DTHD1: variants seen among roughly 807,000 people sequenced by gnomAD.
DTHD1 encodes death domain-containing protein 1.
In DTHD1, 59 loss-of-function variants were observed where a neutral mutation model predicts 74.8. The observed-to-expected ratio is 0.79, with a 90% CI of 0.64 to 0.98. The LOEUF is 0.98. DTHD1 is among the 50% of genes least tolerant of loss of function. The pLI is 0.00. For missense variants in DTHD1, 1,051 were observed against 1,065.4 expected (o/e 0.99, Z 0.19); for synonymous variants, 365 against 371.1 (o/e 0.98, Z 0.19).
intron 9 of DTHD1, among the ~76,000 whole-genome samples, chr4:36,340,802 T>C (rs527261906): frequency 6.6e-6 from 1 of 152,166 alleles, no homozygotes; most frequent in East Asian, 1.9e-4. Context: ...AGTTGATGCA[T>C]TCATTGAGGG....
At chr4:36,321,476 T>C (rs948309624) in intron 8 of DTHD1, among the ~76,000 whole-genome samples, 6 of 152,230 alleles carry the variant, frequency 3.9e-5, no homozygotes, top group African/African-American at 1.4e-4. Context: ...TACAAGAATC[T>C]AATGCCTGAT....
chr4:36,332,377 C>T (rs925107687), intron 8 of DTHD1, among the ~76,000 whole-genome samples: 1 of 152,056 alleles, frequency 6.6e-6, no homozygotes, highest in African/African-American at 2.4e-5. Flanking sequence ...CTAACTTTCA[C>T]CTTAGGTTTT....
At chr4:36,313,609 A>G (rs1198474850) in intron 7 of DTHD1, among the ~76,000 whole-genome samples, 1 of 152,194 alleles carries the variant, frequency 6.6e-6, no homozygotes, top group African/African-American at 2.4e-5. Context: ...CTGCTAGTAA[A>G]TCTTCAATAA....
intron 8 of DTHD1, among the ~76,000 whole-genome samples, chr4:36,321,361 G>A (rs1758028112): frequency 2.6e-5 from 4 of 152,166 alleles, no homozygotes; most frequent in Admixed American, 2.6e-4. Flanking sequence ...TTGCATTACT[G>A]CCTGAGCTCT....
intron 8 of DTHD1, among the ~76,000 whole-genome samples, chr4:36,327,521 T>C (rs7677004): frequency 0.71 from 108,325 of 152,132 alleles, 39,488 homozygotes; most frequent in African/African-American, 0.86. Context: ...GGGTCAAGGA[T>C]ATCTGCTCTT....
intron 1 of DTHD1, 63 bp from the exon 2 acceptor site, chr4:36,283,913 G>A: frequency 8.7e-7 from 1 of 1,146,490 alleles, no homozygotes; most frequent in Non-Finnish European, 1.2e-6. Flanking sequence ...AGATGTCAGT[G>A]CAGAAACATA....
At chr4:36,327,868 C>G (rs1346114506) in intron 8 of DTHD1, among the ~76,000 whole-genome samples, 1 of 152,176 alleles carries the variant, frequency 6.6e-6, no homozygotes, top group African/African-American at 2.4e-5. Flanking sequence ...TCTGTCTCCA[C>G]TCCTTAGATT....
intron 7 of DTHD1, among the ~76,000 whole-genome samples, chr4:36,313,811 C>T (rs1757538188): frequency 6.6e-6 from 1 of 152,160 alleles, no homozygotes; most frequent in Non-Finnish European, 1.5e-5. Flanking sequence ...TAATGTCTTT[C>T]AAGGGATAGA....
chr4:36,308,324 C>T lies in DTHD1; in HGVS notation c.1926C>T (p.Asp642=), dbSNP rs187161267. The T allele has an allele frequency of 2.1e-4, 329 of 1,551,988 alleles. 1 individual carries two copies. In the African/African-American group the frequency reaches 4.1e-3, roughly 19 times the overall value. Residue 642 remains aspartate, a synonymous_variant, in exon 7 of 10, where the codon GAC becomes GAT. Coordinates refer to ENST00000639862, the MANE Select transcript of DTHD1 (RefSeq NM_001170700.3). ...GCATAGTACTGTCTCACCAGAAGGA[C>T]AATCCACATAGAATAGCTGTTTTAG... ...TACIVLSHQK[D]NPHRIAVLVV... is the part of the protein sequence containing the mutation.
chr4:36,286,477 C>T (rs1755718500), intron 2 of DTHD1, among the ~76,000 whole-genome samples: 1 of 152,228 alleles, frequency 6.6e-6, no homozygotes, highest in Non-Finnish European at 1.5e-5. Flanking sequence ...CAAAACCTCA[C>T]TCAGAATGTG....
chr4:36,282,080 G>C, intron 1 of DTHD1, 51 bp downstream of exon 1: 1 of 1,451,456 alleles, frequency 6.9e-7, no homozygotes, highest in Non-Finnish European at 9.2e-7. Flanking sequence ...TATTGATTAG[G>C]GCAAGATCTG....
intron 8 of DTHD1, among the ~76,000 whole-genome samples, chr4:36,338,909 T>C (rs1163417480): frequency 6.6e-6 from 1 of 152,226 alleles, no homozygotes. Context: ...TTAAATGTGC[T>C]GAAATATTTG....
chr4:36,303,372 T>G (rs1021085661), intron 5 of DTHD1, among the ~76,000 whole-genome samples: 1 of 152,222 alleles, frequency 6.6e-6, no homozygotes, highest in South Asian at 2.1e-4. Context: ...AGGACTCTTT[T>G]GATTTAAGTG....
chr4:36,343,076 C>T (rs917779107), intron 9 of DTHD1, among the ~76,000 whole-genome samples: 2 of 132,490 alleles, frequency 1.5e-5, no homozygotes, highest in African/African-American at 7.4e-5. Flanking sequence ...GGAGACAGAG[C>T]GAGACTCAAC....
rs756413588 is a variant in DTHD1 at position 36,294,979 on chromosome 4, T to C, written c.1583T>C (p.Ile528Thr). The C allele has an allele frequency of 1.3e-5, 20 of 1,551,264 alleles. No homozygotes were observed. Among genetic ancestry groups the C allele is most frequent in the South Asian group, 3.6e-5 (3 of 84,040 alleles). The change falls in exon 5 of 10, where the codon ATA becomes ACA. Residue 528 changes from isoleucine to threonine, a missense_variant. Transcript: ENST00000639862. ...YLDKNNLGSE[I>T]DHKRRASATI... ...GATAAAAACAACCTTGGTTCTGAGATAGATCATAAAAGAAGAGCAAGTGCC... is the reference window on the plus strand; with the variant it reads ...GATAAAAACAACCTTGGTTCTGAGACAGATCATAAAAGAAGAGCAAGTGCC...
rs1759589123 is a variant in DTHD1, at chr4:36,346,423, C to T, written c.*2599C>T. 6.6e-6 allele frequency among the ~76,000 whole-genome samples: 1 copy of T among 151,932 alleles called. No homozygotes were observed. The highest frequency in any genetic ancestry group is 2.4e-5 in the African/African-American group (1 of 41,342). Reference sequence around the variant, plus strand: ...CTTCACAACACAGATACATTTTTCCCCCAGAATTAAAACAAATACTGCACA... The same window carrying T: ...CTTCACAACACAGATACATTTTTCCTCCAGAATTAAAACAAATACTGCACA... On this transcript the variant is annotated 3_prime_UTR_variant, in exon 10 of 10. Coordinates refer to ENST00000639862, the MANE Select transcript of DTHD1 (RefSeq NM_001170700.3).
intron 8 of DTHD1, among the ~76,000 whole-genome samples, chr4:36,338,480 T>C (rs534555915): frequency 1.1e-4 from 16 of 151,958 alleles, no homozygotes; most frequent in African/African-American, 3.6e-4. Flanking sequence ...AGGCTGAGCA[T>C]TTAAATAAAT....
chr4:36,291,598 G>T (rs1450249856), intron 3 of DTHD1, among the ~76,000 whole-genome samples: 3 of 152,206 alleles, frequency 2.0e-5, no homozygotes, highest in Non-Finnish European at 4.4e-5. Flanking sequence ...GGAGGCCAAG[G>T]TGGGCGAATC....
intron 8 of DTHD1, among the ~76,000 whole-genome samples, chr4:36,329,223 G>GGTA (rs1268572426): frequency 6.6e-6 from 1 of 152,280 alleles, no homozygotes; most frequent in African/African-American, 2.4e-5. Flanking sequence ...TAGGAGGGAG[G>GGTA]GTAGTACCCT....
Sources: gnomAD v4.1 joint callset for allele counts (sites outside exome capture counted in the v4.1 genomes callset) on GRCh38, gnomAD v4.1.1 for gene constraint, MANE v1.5 for transcripts, NCBI Gene and HGNC (gene_info 2026-07-23, HGNC 2026-07-21) for gene names.